Variants in JAK2 observed in about 807,000 individuals in gnomAD.
JAK2 encodes Janus kinase 2, also known as tyrosine-protein kinase JAK2.
Under a neutral mutation model 139.3 loss-of-function variants are expected in JAK2, and 86 were observed. The observed-to-expected ratio is 0.62, with a 90% CI of 0.52 to 0.74. The LOEUF (loss-of-function observed/expected upper bound fraction) is 0.74, where lower values mean the gene tolerates loss of function less well. JAK2 is among the 30% of genes least tolerant of loss of function. The pLI, the probability that JAK2 is intolerant of heterozygous loss-of-function variation, is 0.00. For missense variants in JAK2, 1,421 were observed against 1,360.3 expected (o/e 1.04, Z -0.70); for synonymous variants, 490 against 437.7 (o/e 1.12, Z -1.49).
intron 2 of JAK2, among the ~76,000 whole-genome samples, chr9:4,999,880 A>G (rs1224071321): frequency 6.6e-6 from 1 of 151,926 alleles, no homozygotes; most frequent in Non-Finnish European, 1.5e-5. Flanking sequence ...GCATGCTACT[A>G]CTCCTGTCCT....
intron 23 of JAK2, among the ~76,000 whole-genome samples, chr9:5,124,764 A>T (rs1823867672): frequency 6.6e-6 from 1 of 151,802 alleles, no homozygotes; most frequent in Non-Finnish European, 1.5e-5. Context: ...ACAAATTTAT[A>T]GCCAACTGAT....
At chr9:5,039,684 TAC>T (rs1816341509) in intron 4 of JAK2, among the ~76,000 whole-genome samples, 1 of 152,194 alleles carries the variant, frequency 6.6e-6, no homozygotes, top group East Asian at 1.9e-4. Context: ...TGTATTTCTA[TAC>T]AGAGACAAAG....
intron 22 of JAK2, chr9:5,097,058 T>G (rs899343189): frequency 6.6e-6 from 1 of 152,162 alleles, no homozygotes; most frequent in Non-Finnish European, 1.5e-5. Flanking sequence ...TATCCCCCTT[T>G]AGCTGAAAAC....
At chr9:5,086,712 CCTGT>C (rs1047501238) in intron 19 of JAK2, among the ~76,000 whole-genome samples, 4 of 152,234 alleles carry the variant, frequency 2.6e-5, no homozygotes, top group East Asian at 1.9e-4. Context: ...CTGAAATCTC[CCTGT>C]CTGACTATAA....
intron 13 of JAK2, 146 bp from the exon 14 acceptor site, chr9:5,073,552 T>C (rs995555626): frequency 2.9e-5 from 19 of 649,358 alleles, no homozygotes; most frequent in Non-Finnish European, 4.9e-5. Context: ...CAGGTCCATA[T>C]AAAGGGACCA....
intron 2 of JAK2, among the ~76,000 whole-genome samples, chr9:5,009,206 G>C (rs1821521367): frequency 6.6e-6 from 1 of 152,076 alleles, no homozygotes; most frequent in East Asian, 1.9e-4. Context: ...GACATCAGCA[G>C]GTGTTAAACA....
intron 3 of JAK2, among the ~76,000 whole-genome samples, chr9:5,023,937 T>C (rs890960314): frequency 9.2e-5 from 14 of 152,154 alleles, no homozygotes; most frequent in Admixed American, 2.6e-4. Context: ...AGATATTTTT[T>C]AGCTAGTAAG....
At chr9:5,042,946 A>G (rs1363904571) in intron 4 of JAK2, among the ~76,000 whole-genome samples, 1 of 152,164 alleles carries the variant, frequency 6.6e-6, no homozygotes, top group East Asian at 1.9e-4. Flanking sequence ...TTCTCGAGGC[A>G]CCTGTTCCCC....
chr9:5,041,640 C>T, intron 4 of JAK2: 1 of 502,886 alleles, frequency 2.0e-6, no homozygotes, highest in Non-Finnish European at 4.0e-6. Flanking sequence ...CTTTGAGAAG[C>T]TCGACTACGA....
intron 2 of JAK2, among the ~76,000 whole-genome samples, chr9:4,993,942 C>T (rs1382740735): frequency 1.3e-5 from 2 of 152,150 alleles, no homozygotes; most frequent in African/African-American, 4.8e-5. Context: ...TGGTCTCAGA[C>T]TGAGTGATCA....
intron 2 of JAK2, among the ~76,000 whole-genome samples, chr9:4,988,615 C>G (rs1432981375): frequency 1.3e-5 from 2 of 152,150 alleles, no homozygotes; most frequent in African/African-American, 4.8e-5. Context: ...AAAGCTAGTA[C>G]CAGCTGATCA....
Position 5,070,646 on chromosome 9 carries a change from A to G in JAK2, c.1641+594A>G, listed in dbSNP as rs137888824. Among the ~76,000 whole-genome samples, 5 of 152,220 alleles carry G rather than the reference A, an allele frequency of 3.3e-5. No individual in the cohort carries two copies. In the East Asian group the frequency reaches 5.8e-4, roughly 18 times the overall value. The stretch of plus-strand genomic sequence containing the variant: ...ACCCAGGCTGGAATGCAGAAATACT[A>G]TATTTTCCAACTGAGTTTCCTTGCA... On this transcript the variant is annotated intron_variant, in intron 12 of 24. Coordinates refer to ENST00000381652, the MANE Select transcript of JAK2 (RefSeq NM_004972.4).
At chr9:5,019,331 G>A (rs1022937429) in intron 2 of JAK2, among the ~76,000 whole-genome samples, 10 of 152,010 alleles carry the variant, frequency 6.6e-5, no homozygotes, top group Admixed American at 1.3e-4. Context: ...GCTCTAGAAT[G>A]TATTTTTTAT....
At chr9:5,086,407 A>T (rs962395050) in intron 19 of JAK2, among the ~76,000 whole-genome samples, 3 of 152,216 alleles carry the variant, frequency 2.0e-5, no homozygotes, top group African/African-American at 7.2e-5. Flanking sequence ...TTCAGAGATC[A>T]GGATCTTAGT....
chr9:5,065,146 C>A, intron 9 of JAK2, 106 bp downstream of exon 9: 1 of 681,970 alleles, frequency 1.5e-6, no homozygotes. Flanking sequence ...AATAATTTGA[C>A]AAGTTTTTTT....
At chr9:5,041,452 C>T (rs1281538369) in intron 4 of JAK2, 1 of 613,506 alleles carries the variant, frequency 1.6e-6, no homozygotes, top group Non-Finnish European at 3.1e-6. Context: ...GCAGCCTCCC[C>T]TGGCAGGGGC....
At chr9:4,994,577 A>G (rs1305274924) in intron 2 of JAK2, among the ~76,000 whole-genome samples, 1 of 152,224 alleles carries the variant, frequency 6.6e-6, no homozygotes, top group East Asian at 1.9e-4. Context: ...CTTTGTGGGC[A>G]AGATTGTTTC....
intron 22 of JAK2, chr9:5,114,475 G>T (rs1361510790): frequency 6.4e-6 from 3 of 467,652 alleles, no homozygotes; most frequent in African/African-American, 2.0e-5. Flanking sequence ...ACCAAGATCA[G>T]CGGCCCATGT....
chr9:4,989,094 A>T (rs1248299409), intron 2 of JAK2, among the ~76,000 whole-genome samples: 1 of 152,134 alleles, frequency 6.6e-6, no homozygotes, highest in Non-Finnish European at 1.5e-5. Flanking sequence ...CCTTGCCCCA[A>T]AACCTTCAGT....
Sources: allele counts gnomAD v4.1 joint callset (sites outside exome capture counted in the v4.1 genomes callset), GRCh38; gene constraint gnomAD v4.1.1; transcripts MANE v1.5; gene names NCBI Gene and HGNC (gene_info 2026-07-23, HGNC 2026-07-21).